The following HINT3 variants were observed in gnomAD, a reference collection of about 807,000 sequenced individuals.
HINT3 encodes adenosine 5'-monophosphoramidase HINT3.
Under a neutral mutation model 19.1 loss-of-function variants are expected in HINT3, and 16 were observed. The ratio of observed to expected loss-of-function variants is 0.84; its 90% confidence interval spans 0.57 to 1.27. The LOEUF (loss-of-function observed/expected upper bound fraction) is 1.27, where lower values mean the gene tolerates loss of function less well. Among genes scored for constraint, HINT3 ranks in the 50% most tolerant of loss-of-function variants. The probability of loss-of-function intolerance (pLI) is 0.00; values close to 1 mark genes in which losing one functional copy is unlikely to be tolerated. For missense variants in HINT3, 197 were observed against 225.8 expected (o/e 0.87, Z 0.82); for synonymous variants, 75 against 84.8 (o/e 0.88, Z 0.63).
chr6:125,972,691 T>C (rs1309432679), intron 3 of HINT3, among the ~76,000 whole-genome samples: 1 of 151,848 alleles, frequency 6.6e-6, no homozygotes, highest in Non-Finnish European at 1.5e-5. Flanking sequence ...CCAGACTGAG[T>C]ATCCTTCTAC....
In HINT3 at chr6:125,971,684, A is replaced by ACCACCATG. The variant is rs1319945219; in HGVS notation, c.320-572_320-565dup. 7.4e-5 allele frequency among the ~76,000 whole-genome samples: 10 copies of ACCACCATG among 135,612 alleles called. No homozygotes were observed. The East Asian group carries it at 2.3e-3, about 31-fold the overall frequency. 89.0% of individuals were successfully genotyped at this position (135,612 alleles called of 152,430 possible). On this transcript the variant is annotated intron_variant, in intron 2 of 4. Coordinates refer to ENST00000229633, the MANE Select transcript of HINT3 (RefSeq NM_138571.5). ...CGAGTAGCTAGGACTATAGGTGTGC[A>ACCACCATG]CCACCATGCCTGGCTACCTTTTTTT...
At position 125,974,936 on chromosome 6, in the gene HINT3, A is replaced by G. The variant is rs771967946; in HGVS notation, c.479A>G (p.Lys160Arg). The G allele has an allele frequency of 6.2e-7, 1 of 1,613,850 alleles. No homozygotes were observed. Among genetic ancestry groups the G allele is most frequent in the African/African-American group, 1.3e-5 (1 of 74,900 alleles). Reference protein sequence around the residue: ...APVDQLGFLSKLVYRVNSYWF... With the variant: ...APVDQLGFLSRLVYRVNSYWF... ...GTGGATCAGCTTGGCTTCTTATCCA[A>G]GTTGGTTTATAGAGTCAATTCCTAT... is the stretch of plus-strand genomic sequence containing the variant. Residue 160 changes from lysine to arginine, a missense_variant, in exon 4 of 5, where the codon AAG (lysine) becomes AGG (arginine). Physicochemically the swap from Lys to Arg is conservative, Grantham distance 26. Transcript: ENST00000229633.
intron 1 of HINT3, among the ~76,000 whole-genome samples, chr6:125,966,356 AC>A (rs1562213289): frequency 2.6e-5 from 4 of 152,192 alleles, no homozygotes; most frequent in African/African-American, 9.7e-5. Flanking sequence ...TCTTTTTAAT[AC>A]TGTAAAGTGG....
At chr6:125,974,808 G>T (rs1421425868) in intron 3 of HINT3, 39 bp from the exon 4 acceptor site, 3 of 1,597,190 alleles carry the variant, frequency 1.9e-6, no homozygotes, top group African/African-American at 2.7e-5. Context: ...CTTTATTTTA[G>T]AACTGGTTTG....
intron 1 of HINT3, among the ~76,000 whole-genome samples, chr6:125,963,064 G>A (rs1788965650): frequency 6.6e-6 from 1 of 152,124 alleles, no homozygotes; most frequent in Non-Finnish European, 1.5e-5. Flanking sequence ...GTCCCCTGTT[G>A]GAAGATGGTT....
chr6:125,959,851 A>G (rs893125128), intron 1 of HINT3, among the ~76,000 whole-genome samples: 2 of 152,220 alleles, frequency 1.3e-5, no homozygotes, highest in African/African-American at 4.8e-5. Flanking sequence ...TCTGTGTGCC[A>G]GGCACTGTTG....
intron 1 of HINT3, 115 bp downstream of exon 1, chr6:125,957,293 T>C (rs1788854214): frequency 1.2e-5 from 14 of 1,156,416 alleles, no homozygotes; most frequent in Non-Finnish European, 1.7e-5. Context: ...GCTACTCAGC[T>C]CGCAGAGGCA....
chr6:125,956,957 AGGCCGCGAGG>A lies in HINT3; in HGVS notation c.-17_-8del. The A allele has an allele frequency of 1.3e-6, 2 of 1,548,362 alleles. No homozygotes were observed. Among genetic ancestry groups the A allele is most frequent in the East Asian group, 4.9e-5 (2 of 40,890 alleles). ...GTAGCCCTGGAGAGGCCGAGGCTCTAGGCCGCGAGGGGCGGGTGCAATGGCGGAGGAACAG... is the reference window on the plus strand; with the variant it reads ...GTAGCCCTGGAGAGGCCGAGGCTCTAGGCGGGTGCAATGGCGGAGGAACAG... On this transcript the variant is annotated 5_prime_UTR_variant, in exon 1 of 5. Coordinates refer to ENST00000229633, the MANE Select transcript of HINT3 (RefSeq NM_138571.5).
intron 1 of HINT3, among the ~76,000 whole-genome samples, chr6:125,961,397 A>G (rs1788924231): frequency 6.6e-6 from 1 of 152,126 alleles, no homozygotes; most frequent in South Asian, 2.1e-4. Flanking sequence ...TATCTACCTG[A>G]TGATAGCATC....
intron 3 of HINT3, 58 bp downstream of exon 3, chr6:125,972,386 T>C (rs2128711805): frequency 1.9e-6 from 2 of 1,053,904 alleles, no homozygotes; most frequent in Non-Finnish European, 2.7e-6. Flanking sequence ...TTTCAAAATG[T>C]CATTTCTCCA....
At chr6:125,962,407 T>C (rs1325933791) in intron 1 of HINT3, among the ~76,000 whole-genome samples, 1 of 150,644 alleles carries the variant, frequency 6.6e-6, no homozygotes, top group Non-Finnish European at 1.5e-5. Context: ...GTTGTGTATC[T>C]TTTTCAAATT....
At chr6:125,963,667 A>G (rs1216813962) in intron 1 of HINT3, among the ~76,000 whole-genome samples, 3 of 152,200 alleles carry the variant, frequency 2.0e-5, no homozygotes, top group Non-Finnish European at 4.4e-5. Context: ...AACAATTTTT[A>G]TTCTTTTTAT....
intron 4 of HINT3, 29 bp from the exon 5 acceptor site, chr6:125,977,615 G>C: frequency 8.2e-7 from 1 of 1,225,688 alleles, no homozygotes; most frequent in Non-Finnish European, 1.2e-6. Flanking sequence ...ATGATATCTA[G>C]AATTAAAAAG....
chr6:125,967,024 C>A lies in HINT3; in HGVS notation c.319+20C>A. 7.1e-7 allele frequency: 1 copy of A among 1,409,296 alleles called. No homozygotes were observed. Among genetic ancestry groups the A allele is most frequent in the South Asian group, 1.2e-5 (1 of 83,886 alleles). The allele number at this position is 1,409,296 out of a possible 1,614,324, so 87.3% of individuals were successfully genotyped here. ...AACTGGGTAAGATGATGGCAGTATT[C>A]TTCATGTTTATATCATTTTCAGTTG... On this transcript the variant is annotated intron_variant, in intron 2 of 4. Transcript: ENST00000229633.
intron 1 of HINT3, 126 bp from the exon 2 acceptor site, chr6:125,966,761 G>A: frequency 1.8e-6 from 1 of 557,084 alleles, no homozygotes; most frequent in Non-Finnish European, 3.1e-6. Context: ...AAATTGCCCA[G>A]TGGGGGTTAG....
At chr6:125,975,905 T>C (rs1336872669) in intron 4 of HINT3, among the ~76,000 whole-genome samples, 1 of 152,160 alleles carries the variant, frequency 6.6e-6, no homozygotes, top group Non-Finnish European at 1.5e-5. Context: ...AATTACAGCA[T>C]TCTGCTTTTC....
chr6:125,957,235 C>T, intron 1 of HINT3, 57 bp downstream of exon 1: 4 of 1,481,592 alleles, frequency 2.7e-6, no homozygotes, highest in Non-Finnish European at 3.6e-6. Flanking sequence ...CTCGGAGCTC[C>T]GGCAGGGAGG....
rs947760483 is a variant in HINT3 at position 125,978,224 on chromosome 6, C to T, written c.*548C>T. 3 of 151,998 alleles carry T rather than the reference C, an allele frequency of 2.0e-5. No homozygotes were observed. The highest frequency in any genetic ancestry group is 7.2e-5 in the African/African-American group (3 of 41,410). The allele number at this position is 151,998 out of a possible 1,614,324, so 9.4% of individuals were successfully genotyped here. A position where few individuals can be genotyped will look rare whatever the true frequency, so the allele number is the denominator to read the frequency against. On this transcript the variant is annotated 3_prime_UTR_variant, in exon 5 of 5. Transcript: ENST00000229633. ...CCACTTTTTCCTCAAATTTCAGATG[C>T]CAGTTTTCACTTTTTGAAGCATTGC...
In HINT3 at chr6:125,962,717, G is replaced by A. The variant is rs541763845; in HGVS notation, c.202-4170G>A. On this transcript the variant is annotated intron_variant, in intron 1 of 4. Transcript: ENST00000229633. Reference sequence around the variant, plus strand: ...TCTTCACTCCATAAACCTCCATATGGTGTTGTCTAATTGTATACTGCAGAT... The same window carrying A: ...TCTTCACTCCATAAACCTCCATATGATGTTGTCTAATTGTATACTGCAGAT... Among the ~76,000 whole-genome samples, 3 of 152,166 alleles carry A rather than the reference G, an allele frequency of 2.0e-5. No homozygotes were observed. In the South Asian group the frequency reaches 6.2e-4, roughly 32 times the overall value.
Sources: allele counts gnomAD v4.1 joint callset (sites outside exome capture counted in the v4.1 genomes callset), GRCh38; gene constraint gnomAD v4.1.1; transcripts MANE v1.5; gene names NCBI Gene and HGNC (gene_info 2026-07-23, HGNC 2026-07-21).